LIPJ: variants seen among roughly 807,000 people sequenced by gnomAD.
The protein encoded by LIPJ is lipase family member J.
A neutral mutation model predicts 39.8 loss-of-function variants in LIPJ; 33 were observed. The ratio of observed to expected loss-of-function variants is 0.83; its 90% CI spans 0.63 to 1.11. The LOEUF (loss-of-function observed/expected upper bound fraction) is 1.11. Ranked by LOEUF, LIPJ falls within the 50% of genes least tolerant of loss-of-function variation. LIPJ has a pLI of 0.00. For missense variants in LIPJ, 422 were observed against 427.9 expected (o/e 0.99, Z 0.12); for synonymous variants, 128 against 139.2 (o/e 0.92, Z 0.57).
the LIPJ span, among the ~76,000 whole-genome samples, chr10:88,617,715 C>T: frequency 6.6e-6 from 1 of 152,146 alleles, no homozygotes; most frequent in Non-Finnish European, 1.5e-5. Context: ...ATATCTGGTA[C>T]CTCATTCTTT....
chr10:88,612,141 C>T, the LIPJ span, among the ~76,000 whole-genome samples: 1 of 152,118 alleles, frequency 6.6e-6, no homozygotes, highest in Non-Finnish European at 1.5e-5. Flanking sequence ...CAATTATCAC[C>T]TAAGAATTTT....
chr10:88,616,902 G>A, the LIPJ span, among the ~76,000 whole-genome samples: 11 of 152,180 alleles, frequency 7.2e-5, no homozygotes, highest in Admixed American at 2.0e-4. Context: ...AGGACATGGA[G>A]GCCCTGCTGG....
At chr10:88,589,616 A>G (rs960284617) in intron 2 of LIPJ, among the ~76,000 whole-genome samples, 3 of 151,814 alleles carry the variant, frequency 2.0e-5, no homozygotes, top group Non-Finnish European at 4.4e-5. Context: ...ATTTTTTTCA[A>G]GCGGTCAGTG....
At chr10:88,606,583 T>A in intron 10 of LIPJ, 91 bp from the exon 11 acceptor site, 1 of 719,428 alleles carries the variant, frequency 1.4e-6, no homozygotes. Context: ...TTTAAAACAG[T>A]ATTTAAACTC....
At chr10:88,597,242 G>C (rs1014652107) in intron 8 of LIPJ, among the ~76,000 whole-genome samples, 1 of 151,638 alleles carries the variant, frequency 6.6e-6, no homozygotes, top group Non-Finnish European at 1.5e-5. Context: ...CTAAGATTTA[G>C]GTCCTCTTCT....
At chr10:88,619,037 T>G in the LIPJ span, 2 of 152,180 alleles carry the variant, frequency 1.3e-5, no homozygotes, top group African/African-American at 4.8e-5. Context: ...TAATTGCCTT[T>G]GCTGATACTT....
In LIPJ at chr10:88,594,412, A is replaced by G. The variant is rs1851184541; in HGVS notation, c.330-255A>G. ...TCCTTTAACTACTCTTCTACTCTATAACTCATATATTTTGTCTACCCTACT... is the reference window on the plus strand; with the variant it reads ...TCCTTTAACTACTCTTCTACTCTATGACTCATATATTTTGTCTACCCTACT... On this transcript the variant is annotated intron_variant, in intron 5 of 10. Transcript: ENST00000371939. 2.5e-5 allele frequency: 12 copies of G among 482,734 alleles called. No homozygotes were observed. In the South Asian group the frequency reaches 3.5e-4, roughly 14 times the overall value. The allele number at this position is 482,734 out of a possible 1,614,324, so 29.9% of individuals were successfully genotyped here.
intron 6 of LIPJ, 111 bp from the exon 7 acceptor site, chr10:88,596,169 A>G (rs1564933797): frequency 1.5e-6 from 1 of 674,328 alleles, no homozygotes; most frequent in East Asian, 3.4e-5. Context: ...GAAATAAGTT[A>G]ATTGTTCAGA....
Position 88,594,779 on chromosome 10 carries a change from ATG to A in LIPJ, c.439+4_439+5del. ...CCATTCACAGGGTACTACTATTGGTATGCCAAGAAAGATTATTGCTAATATCC... is the reference window on the plus strand; with the variant it reads ...CCATTCACAGGGTACTACTATTGGTACCAAGAAAGATTATTGCTAATATCC... On this transcript the variant is annotated splice_donor_5th_base_variant and intron_variant, in intron 6 of 10. Coordinates refer to ENST00000371939, the Ensembl canonical transcript of LIPJ. 7.5e-7 allele frequency: 1 copy of A among 1,330,054 alleles called. No homozygotes were observed. Among genetic ancestry groups the A allele is most frequent in the Non-Finnish European group, 1.0e-6 (1 of 969,406 alleles). The allele number at this position is 1,330,054 out of a possible 1,614,324, so 82.4% of individuals were successfully genotyped here. A position where few individuals can be genotyped will look rare whatever the true frequency, so the allele number is the denominator to read the frequency against.
intron 6 of LIPJ, 53 bp downstream of exon 6, chr10:88,594,829 T>G: frequency 3.4e-6 from 3 of 880,208 alleles, no homozygotes; most frequent in Non-Finnish European, 5.2e-6. Flanking sequence ...TTTAAGGTTG[T>G]GCATATACTT....
At chr10:88,611,275 ATCCCAGATAT>A (rs756597010), downstream of LIPJ, among the ~76,000 whole-genome samples, 3 of 152,248 alleles carry the variant, frequency 2.0e-5, no homozygotes, top group African/African-American at 4.8e-5. Context: ...CTACCCTTGA[ATCCCAGATAT>A]TCCCTGTGAC....
At chr10:88,606,626 A>G (rs1271778803) in intron 10 of LIPJ, 48 bp from the exon 11 acceptor site, 1 of 1,110,970 alleles carries the variant, frequency 9.0e-7, no homozygotes, top group African/African-American at 1.6e-5. Flanking sequence ...AAAACCTTCT[A>G]CTGTATCATC....
At chr10:88,597,147 T>G (rs1820572100) in intron 8 of LIPJ, among the ~76,000 whole-genome samples, 1 of 151,838 alleles carries the variant, frequency 6.6e-6, no homozygotes, top group African/African-American at 2.4e-5. Context: ...CATATTTGTC[T>G]TGCTGTCTGT....
upstream of LIPJ, among the ~76,000 whole-genome samples, chr10:88,585,924 A>T (rs1850897563): frequency 6.6e-6 from 1 of 152,184 alleles, no homozygotes; most frequent in Admixed American, 6.5e-5. Context: ...ATCATCCTAC[A>T]GTTATCACTT....
chr10:88,614,962 T>C, the LIPJ span, among the ~76,000 whole-genome samples: 152,305 of 152,314 alleles, frequency 1, 76,148 homozygotes, highest in Middle Eastern at 1. Context: ...AATAAAACAA[T>C]TAGAGATTAC....
At chr10:88,594,325 T>C in intron 5 of LIPJ, 181 bp downstream of exon 5, 2 of 578,118 alleles carry the variant, frequency 3.5e-6, no homozygotes. Flanking sequence ...TTGAGTTTGA[T>C]TCTTACGTTT....
At chr10:88,611,903 A>G (rs556196292), downstream of LIPJ, among the ~76,000 whole-genome samples, 24 of 152,358 alleles carry the variant, frequency 1.6e-4, no homozygotes, top group African/African-American at 5.5e-4. Context: ...TCCAAATACA[A>G]GAAGGTCAAA....
rs576160850 is a variant in LIPJ, at chr10:88,601,477, C to T, written c.724-1099C>T. Among the ~76,000 whole-genome samples the T allele has an allele frequency of 7.0e-4, 106 of 152,268 alleles. 1 individual carries two copies. Among genetic ancestry groups the T allele is most frequent in the South Asian group, 5.8e-3 (28 of 4,828 alleles). ...ACTACTTCTCCTGGTAATCTATGGC[C>T]TTTAGTCCAACTCTATAGCACCCAC... On this transcript the variant is annotated intron_variant, in intron 8 of 10. Coordinates refer to ENST00000371939, the Ensembl canonical transcript of LIPJ.
intron 8 of LIPJ, among the ~76,000 whole-genome samples, chr10:88,599,722 T>C (rs1322828923): frequency 5.3e-5 from 8 of 151,440 alleles, no homozygotes; most frequent in East Asian, 1.9e-4. Flanking sequence ...TATATATATA[T>C]ACACATCTTC....
Sources: allele counts gnomAD v4.1 joint callset (sites outside exome capture counted in the v4.1 genomes callset), GRCh38; gene constraint gnomAD v4.1.1; transcripts MANE v1.5; gene names NCBI Gene and HGNC (gene_info 2026-07-23, HGNC 2026-07-21).